The following EPHB2 variants were observed in gnomAD, a reference collection of about 807,000 sequenced individuals.
EPHB2 encodes ephrin type-B receptor 2.
EPHB2 carries 18 observed loss-of-function variants against 96.4 expected under a neutral mutation model. That is an observed-to-expected ratio of 0.19 (90% CI 0.13 to 0.28). The LOEUF is 0.28. EPHB2 is among the 10% of genes least tolerant of loss of function. The pLI, the probability that EPHB2 is intolerant of heterozygous loss-of-function variation, is 1.00. For synonymous variants in EPHB2, 506 were observed against 534.1 expected (o/e 0.95, Z 0.72); for missense variants, 989 against 1,355.4 (o/e 0.73, Z 4.25).
chr1:22,897,966 G>T (rs1397341483), intron 9 of EPHB2, among the ~76,000 whole-genome samples: 1 of 151,780 alleles, frequency 6.6e-6, no homozygotes, highest in South Asian at 2.1e-4. Flanking sequence ...AGCTGGGTGT[G>T]GTCATGTACG....
intron 1 of EPHB2, among the ~76,000 whole-genome samples, chr1:22,713,209 C>T (rs1185035651): frequency 3.3e-5 from 5 of 152,110 alleles, no homozygotes; most frequent in Non-Finnish European, 5.9e-5. Flanking sequence ...GTTCCGTTTG[C>T]CCCCTGGACA....
chr1:22,838,290 G>A (rs1456842870), intron 3 of EPHB2, among the ~76,000 whole-genome samples: 2 of 152,244 alleles, frequency 1.3e-5, no homozygotes, highest in Non-Finnish European at 2.9e-5. Flanking sequence ...ATGCAATAAG[G>A]TTGGTGATTA....
rs1358155445 is a variant in EPHB2, at chr1:22,846,488, A to G, written c.812-16549A>G. ...GGGCAGACTTCTTCCTGATTTCTCCAGAGGTTCACAGACCGCCCTGCCAAA... is the reference window on the plus strand; with the variant it reads ...GGGCAGACTTCTTCCTGATTTCTCCGGAGGTTCACAGACCGCCCTGCCAAA... On this transcript the variant is annotated intron_variant, in intron 3 of 15. Transcript: ENST00000374630. The surrounding 1 kb of genome is among the most constrained non-coding windows in gnomAD (Gnocchi z 4.3). 6.6e-6 allele frequency among the ~76,000 whole-genome samples: 1 copy of G among 151,598 alleles called. No homozygotes were observed. The highest frequency in any genetic ancestry group is 1.9e-4 in the East Asian group (1 of 5,162).
At chr1:22,843,982 C>CTT (rs1446587585) in intron 3 of EPHB2, among the ~76,000 whole-genome samples, 1 of 152,214 alleles carries the variant, frequency 6.6e-6, no homozygotes, top group Admixed American at 6.5e-5. Flanking sequence ...GTTGCAAAGG[C>CTT]TTTTTTATGG....
chr1:22,810,398 G>C (rs779104843), intron 3 of EPHB2, among the ~76,000 whole-genome samples: 1 of 152,090 alleles, frequency 6.6e-6, no homozygotes, highest in Non-Finnish European at 1.5e-5. Context: ...CCTCCCCTTC[G>C]TGCTGCCCTC....
chr1:22,864,853 A>T, intron 4 of EPHB2, 24 bp from the exon 5 acceptor site: 8 of 1,438,982 alleles, frequency 5.6e-6, no homozygotes, highest in African/African-American at 1.4e-5. Flanking sequence ...CCCCCCACTG[A>T]CCAACACCTC....
At chr1:22,783,727 C>T (rs1644568032) in intron 2 of EPHB2, among the ~76,000 whole-genome samples, 1 of 152,202 alleles carries the variant, frequency 6.6e-6, no homozygotes, top group African/African-American at 2.4e-5. Flanking sequence ...CATCTCTCTG[C>T]TGGGTTTGTG....
At chr1:22,901,183 C>T (rs1159241898) in intron 9 of EPHB2, among the ~76,000 whole-genome samples, 1 of 152,184 alleles carries the variant, frequency 6.6e-6, no homozygotes, top group Non-Finnish European at 1.5e-5. Context: ...CTCTTCTTTG[C>T]AACAGTTTAC....
intron 6 of EPHB2, among the ~76,000 whole-genome samples, chr1:22,885,186 G>A (rs142552388): frequency 9.2e-5 from 14 of 152,038 alleles, no homozygotes; most frequent in African/African-American, 2.9e-4. Context: ...TCTGCTCCCC[G>A]CAGCAGGAAT....
intron 3 of EPHB2, among the ~76,000 whole-genome samples, chr1:22,831,947 C>A (rs535181307): frequency 1.8e-4 from 27 of 152,276 alleles, no homozygotes; most frequent in African/African-American, 6.0e-4. Flanking sequence ...CCCACATAAA[C>A]CTGCAAAGGG....
chr1:22,780,857 G>A (rs1055303321), intron 1 of EPHB2, among the ~76,000 whole-genome samples: 1 of 152,158 alleles, frequency 6.6e-6, no homozygotes, highest in Non-Finnish European at 1.5e-5. Flanking sequence ...TGGCCTGGAG[G>A]GGCGGGGCCT....
intron 9 of EPHB2, among the ~76,000 whole-genome samples, chr1:22,904,598 G>C (rs1228819490): frequency 1.3e-5 from 2 of 152,148 alleles, no homozygotes; most frequent in Admixed American, 6.5e-5. Context: ...ACGTGTTAGA[G>C]CAGCGGTTGA....
At chr1:22,739,203 A>G (rs1453778757) in intron 1 of EPHB2, among the ~76,000 whole-genome samples, 1 of 151,496 alleles carries the variant, frequency 6.6e-6, no homozygotes, top group Non-Finnish European at 1.5e-5. Flanking sequence ...ACCATGTCCA[A>G]CTAATTCTTT....
chr1:22,892,973 C>G lies in EPHB2; in HGVS notation c.1518C>G (p.Phe506Leu), dbSNP rs1639440694. Residue 506 changes from phenylalanine to leucine, a missense_variant, in exon 7 of 16, where the codon TTC (phenylalanine) becomes TTG (leucine). Phe to Leu is a conservative substitution (Grantham distance 22). Transcript: ENST00000374630. ...TCAAAGCCGGCGCCATCTATGTCTT[C>G]CAGGTGCGGGCACGCACCGTGGCAG... ...QGLKAGAIYV[F>L]QVRARTVAGY... is the part of the protein sequence containing the mutation. 1.2e-6 allele frequency: 2 copies of G among 1,614,108 alleles called. No homozygotes were observed. The highest frequency in any genetic ancestry group is 1.3e-5 in the African/African-American group (1 of 74,948).
At chr1:22,880,859 G>A (rs10158095) in intron 5 of EPHB2, among the ~76,000 whole-genome samples, 4,096 of 152,306 alleles carry the variant, frequency 0.027, 174 homozygotes, top group African/African-American at 0.091. Flanking sequence ...ACAGCAGGCC[G>A]GATGCATTAT....
intron 3 of EPHB2, among the ~76,000 whole-genome samples, chr1:22,813,865 A>G (rs1379438188): frequency 6.6e-6 from 1 of 152,206 alleles, no homozygotes; most frequent in Non-Finnish European, 1.5e-5. Context: ...ACACCCCTGT[A>G]TCTGAGGCTC....
chr1:22,735,031 C>CT (rs1263874356), intron 1 of EPHB2, among the ~76,000 whole-genome samples: 1 of 152,198 alleles, frequency 6.6e-6, no homozygotes, highest in East Asian at 1.9e-4. Context: ...GAGGGTGACA[C>CT]TGACTAAGGC....
intron 7 of EPHB2, among the ~76,000 whole-genome samples, chr1:22,894,761 G>A (rs1460144506): frequency 1.3e-5 from 2 of 152,124 alleles, no homozygotes; most frequent in African/African-American, 4.8e-5. Context: ...TCAAATGCCT[G>A]GCTGGGGTGC....
chr1:22,824,283 AGAAG>A (rs1027579594), intron 3 of EPHB2, among the ~76,000 whole-genome samples: 1 of 151,654 alleles, frequency 6.6e-6, no homozygotes, highest in Non-Finnish European at 1.5e-5. Flanking sequence ...GAGGGAGGGA[AGAAG>A]GAAGGAAGGA....
Sources: gnomAD v4.1 joint callset for allele counts (sites outside exome capture counted in the v4.1 genomes callset) on GRCh38, gnomAD v4.1.1 for gene constraint, Gnocchi (gnomAD v3.1) non-coding constraint, MANE v1.5 for transcripts, NCBI Gene and HGNC (gene_info 2026-07-23, HGNC 2026-07-21) for gene names.